FNBP4: variants seen among roughly 807,000 people sequenced by gnomAD.
FNBP4 encodes formin binding protein 4, also known as formin-binding protein 4.
FNBP4 carries 34 observed loss-of-function variants against 119.3 expected under a neutral mutation model. That is an observed-to-expected ratio of 0.28 (90% CI 0.22 to 0.38). The LOEUF (loss-of-function observed/expected upper bound fraction) is 0.38, where lower values mean the gene tolerates loss of function less well. Ranked by LOEUF, FNBP4 falls within the 10% of genes least tolerant of loss-of-function variation. The probability of loss-of-function intolerance (pLI) is 1.00; values close to 1 mark genes in which losing one functional copy is unlikely to be tolerated. For missense variants in FNBP4, 1,112 were observed against 1,228.9 expected, an observed-to-expected ratio of 0.90 and a Z score of 1.42; for synonymous variants, 462 against 430.6, an observed-to-expected ratio of 1.07 and a Z score of -0.90.
At chr11:47,728,429 T>C (rs2097563633) in intron 12 of FNBP4, among the ~76,000 whole-genome samples, 1 of 151,696 alleles carries the variant, frequency 6.6e-6, no homozygotes, top group African/African-American at 2.4e-5. Context: ...TTTGTATTTT[T>C]AGTAGAGACA....
At chr11:47,731,990 A>C in intron 11 of FNBP4, 1 of 994,188 alleles carries the variant, frequency 1.0e-6, no homozygotes, top group Non-Finnish European at 1.2e-6. Context: ...TATTCTTGAT[A>C]TCAAACACAG....
In FNBP4 at chr11:47,752,221, C is replaced by T. The variant is rs552316733; in HGVS notation, c.637+695G>A. 1.1e-4 allele frequency among the ~76,000 whole-genome samples: 16 copies of T among 151,602 alleles called. No individual in the cohort carries two copies. The South Asian group carries it at 3.1e-3, about 30-fold the overall frequency. Reference sequence around the variant, plus strand: ...GGTGGATCCCCCGAGGTCAGGAGTTCGAGACCAGCTTTGCCAACATCGTGA... The same window carrying T: ...GGTGGATCCCCCGAGGTCAGGAGTTTGAGACCAGCTTTGCCAACATCGTGA... On this transcript the variant is annotated intron_variant, in intron 4 of 16. Transcript: ENST00000263773.
At chr11:47,748,486 T>C (rs1565151708) in intron 6 of FNBP4, among the ~76,000 whole-genome samples, 2 of 151,832 alleles carry the variant, frequency 1.3e-5, no homozygotes, top group African/African-American at 2.4e-5. Context: ...GCTATCCTCT[T>C]GCCTCTGCCT....
chr11:47,725,139 G>A, intron 12 of FNBP4: 1 of 166,834 alleles, frequency 6.0e-6, no homozygotes, highest in Non-Finnish European at 1.3e-5. Context: ...AACGAGAAAT[G>A]CAGTCATCTG....
intron 12 of FNBP4, chr11:47,729,694 T>C: frequency 1.0e-6 from 1 of 985,184 alleles, no homozygotes; most frequent in Non-Finnish European, 1.2e-6. Context: ...TTTAAAACAA[T>C]TTTCTGAAGA....
intron 8 of FNBP4, among the ~76,000 whole-genome samples, chr11:47,742,280 A>G (rs1195794422): frequency 6.6e-6 from 1 of 151,826 alleles, no homozygotes; most frequent in Non-Finnish European, 1.5e-5. Flanking sequence ...GATGTTTGAG[A>G]CCAGCCTGGC....
intron 4 of FNBP4, 143 bp downstream of exon 4, chr11:47,752,773 C>T (rs373494473): frequency 2.8e-6 from 2 of 712,480 alleles, no homozygotes; most frequent in Non-Finnish European, 4.6e-6. Flanking sequence ...AAGATCGCGC[C>T]AGTGCACTCC....
chr11:47,762,584 C>T (rs1298643305), intron 2 of FNBP4, among the ~76,000 whole-genome samples: 1 of 152,032 alleles, frequency 6.6e-6, no homozygotes, highest in East Asian at 1.9e-4. Context: ...AGGTGCTCAT[C>T]AGCACGTCTA....
At chr11:47,755,886 A>G (rs1027469367) in intron 2 of FNBP4, among the ~76,000 whole-genome samples, 13 of 152,166 alleles carry the variant, frequency 8.5e-5, no homozygotes, top group African/African-American at 3.1e-4. Context: ...TCTCTTTCCA[A>G]ATTGTTCATA....
intron 2 of FNBP4, among the ~76,000 whole-genome samples, chr11:47,758,834 G>A (rs1436117863): frequency 6.6e-6 from 1 of 151,886 alleles, no homozygotes; most frequent in Non-Finnish European, 1.5e-5. Flanking sequence ...ATTCCAGCCT[G>A]GTGACAGGGC....
At chr11:47,721,642 A>G (rs2097555739) in intron 15 of FNBP4, among the ~76,000 whole-genome samples, 1 of 152,044 alleles carries the variant, frequency 6.6e-6, no homozygotes, top group African/African-American at 2.4e-5. Context: ...TAGTTCTAAG[A>G]GAAGGTATAA....
At position 47,732,511 on chromosome 11, in the gene FNBP4, G is replaced by A. The variant is rs1348116102; in HGVS notation, c.1820+26C>T. 6.2e-7 allele frequency: 1 copy of A among 1,613,718 alleles called. No individual in the cohort carries two copies. Among genetic ancestry groups the A allele is most frequent in the Non-Finnish European group, 8.5e-7 (1 of 1,179,776 alleles). ...CATGTCTGAGATGTCAAAGGTGAAAGGTGAAAAGGGGAGAAGAGTGCGTAC... is the reference window on the plus strand; with the variant it reads ...CATGTCTGAGATGTCAAAGGTGAAAAGTGAAAAGGGGAGAAGAGTGCGTAC... On this transcript the variant is annotated intron_variant, in intron 11 of 16. Coordinates refer to ENST00000263773, the MANE Select transcript of FNBP4 (RefSeq NM_015308.5). The surrounding 1 kb of genome is among the most constrained non-coding windows in gnomAD (Gnocchi z 4.2).
In FNBP4 at chr11:47,766,056, C is replaced by T. The variant is rs566676224; in HGVS notation, c.221-694G>A. Among the ~76,000 whole-genome samples, 9 of 152,056 alleles carry T rather than the reference C, an allele frequency of 5.9e-5. No individual in the cohort carries two copies. In the East Asian group the frequency reaches 7.7e-4, roughly 13 times the overall value. ...CCATGGTAAATAAAAATTATTAATA[C>T]ATCTGCATGGCCGGGCGCGATGGCT... is the stretch of plus-strand genomic sequence containing the variant. On this transcript the variant is annotated intron_variant, in intron 1 of 16. Coordinates refer to ENST00000263773, the MANE Select transcript of FNBP4 (RefSeq NM_015308.5).
chr11:47,721,835 T>C (rs952088211), intron 15 of FNBP4, among the ~76,000 whole-genome samples: 1 of 151,060 alleles, frequency 6.6e-6, no homozygotes, highest in African/African-American at 2.4e-5. Flanking sequence ...ATTCAAAATA[T>C]TGCCTTTATC....
intron 6 of FNBP4, among the ~76,000 whole-genome samples, chr11:47,747,093 G>A (rs997175270): frequency 2.6e-5 from 4 of 151,346 alleles, no homozygotes; most frequent in Admixed American, 1.3e-4. Context: ...GTGCAATTGC[G>A]TGATCTCAAG....
chr11:47,765,570 G>A (rs866715040), intron 1 of FNBP4, among the ~76,000 whole-genome samples: 22,563 of 68,088 alleles, frequency 0.33, 4,606 homozygotes, highest in East Asian at 0.53. Flanking sequence ...GCCAAGACGG[G>A]GGGGGGGGGG....
At chr11:47,759,238 T>A (rs1446111397) in intron 2 of FNBP4, among the ~76,000 whole-genome samples, 3 of 143,096 alleles carry the variant, frequency 2.1e-5, no homozygotes, top group Non-Finnish European at 3.0e-5. Flanking sequence ...TGGTATGGAG[T>A]TTCGCTCTTC....
intron 10 of FNBP4, among the ~76,000 whole-genome samples, chr11:47,733,133 G>A (rs576151886): frequency 6.6e-6 from 1 of 152,232 alleles, no homozygotes; most frequent in African/African-American, 2.4e-5. Flanking sequence ...AACATCCCAA[G>A]TACGCAGCAG....
At position 47,737,045 on chromosome 11, in the gene FNBP4, T is replaced by C. The variant is rs573609342; in HGVS notation, c.1457-305A>G. Among the ~76,000 whole-genome samples the C allele has an allele frequency of 4.6e-5, 7 of 151,912 alleles. No homozygotes were observed. In the South Asian group the frequency reaches 1.2e-3, roughly 27 times the overall value. ...ACAGTAGAACCGTCTCTACTAAAAA[T>C]ACAAAAAATTAGCCACGCATGGTGG... On this transcript the variant is annotated intron_variant, in intron 8 of 16. Transcript: ENST00000263773.
Sources: allele counts gnomAD v4.1 joint callset (sites outside exome capture counted in the v4.1 genomes callset), GRCh38; gene constraint gnomAD v4.1.1; non-coding constraint Gnocchi (gnomAD v3.1); transcripts MANE v1.5; gene names NCBI Gene and HGNC (gene_info 2026-07-23, HGNC 2026-07-21).